The following RARB variants were observed in gnomAD, a reference collection of about 807,000 sequenced individuals.
RARB encodes the protein retinoic acid receptor beta.
In RARB, 17 loss-of-function variants were observed where a neutral mutation model predicts 51.9. The ratio of observed to expected loss-of-function variants is 0.33; its 90% CI spans 0.22 to 0.49. RARB has a LOEUF of 0.49. Ranked by LOEUF, RARB falls within the 20% of genes least tolerant of loss-of-function variation. The pLI, the probability that RARB is intolerant of heterozygous loss-of-function variation, is 0.99. For missense variants in RARB, 369 were observed against 550.8 expected (o/e 0.67, Z 3.30); for synonymous variants, 215 against 195.4 (o/e 1.10, Z -0.84).
intron 2 of RARB, among the ~76,000 whole-genome samples, chr3:25,469,063 C>T (rs962891182): frequency 6.6e-6 from 1 of 152,214 alleles, no homozygotes; most frequent in African/African-American, 2.4e-5. Context: ...CACTAGCCCC[C>T]TCAGTCCCTC....
At chr3:25,319,861 A>T (rs1477026597) in intron 5 of RARB, among the ~76,000 whole-genome samples, 1 of 152,100 alleles carries the variant, frequency 6.6e-6, no homozygotes, top group Non-Finnish European at 1.5e-5. Context: ...ACTTCTTTTT[A>T]TTCTTTTGAA....
rs150202843 is a variant in RARB, at chr3:25,222,222, G to C, written c.178+47647G>C. 2.7e-3 allele frequency among the ~76,000 whole-genome samples: 404 copies of C among 152,210 alleles called. 2 individuals carry two copies. Among genetic ancestry groups the C allele is most frequent in the African/African-American group, 9.4e-3 (389 of 41,534 alleles). ...AGATATATGATGACTGCAACCTAAG[G>C]CCCAGGAGGCCTATATAATTGAGCC... On this transcript the variant is annotated intron_variant, in intron 5 of 11. Coordinates refer to the RARB transcript ENST00000383772.
chr3:25,013,446 A>G (rs922905633), intron 2 of RARB, among the ~76,000 whole-genome samples: 7 of 151,996 alleles, frequency 4.6e-5, no homozygotes, highest in African/African-American at 1.7e-4. Context: ...TTTCCCAACT[A>G]TTCTTAACCA....
intron 2 of RARB, among the ~76,000 whole-genome samples, chr3:25,002,396 A>C (rs1476927715): frequency 6.6e-6 from 1 of 152,144 alleles, no homozygotes; most frequent in Non-Finnish European, 1.5e-5. Context: ...GGCACATGGG[A>C]AACTCTCATG....
At chr3:25,344,448 C>T (rs1705325706) in intron 5 of RARB, among the ~76,000 whole-genome samples, 1 of 152,124 alleles carries the variant, frequency 6.6e-6, no homozygotes, top group Non-Finnish European at 1.5e-5. Flanking sequence ...ATGCATCTGC[C>T]ACACTCTACT....
At chr3:24,998,312 G>A (rs1412917354) in intron 2 of RARB, among the ~76,000 whole-genome samples, 1 of 146,820 alleles carries the variant, frequency 6.8e-6, no homozygotes, top group Non-Finnish European at 1.5e-5. Flanking sequence ...TCTGCACCCT[G>A]GGGCCCTAGG....
rs112583301 is a variant in RARB at position 25,255,662 on chromosome 3, TTTGA to T, written c.178+81091_178+81094del. On this transcript the variant is annotated intron_variant, in intron 5 of 11. Transcript: ENST00000383772. ...TGAAAAACAAACTGTAATTTTAGTC[TTTGA>T]TTGTAGAGAGACTTTGCGTTATATT... 2.8e-3 allele frequency among the ~76,000 whole-genome samples: 424 copies of T among 152,252 alleles called. 2 individuals are homozygous for T. The highest frequency in any genetic ancestry group is 9.8e-3 in the African/African-American group (409 of 41,562).
intron 2 of RARB, among the ~76,000 whole-genome samples, chr3:25,491,366 T>C (rs890456665): frequency 1.3e-5 from 2 of 152,156 alleles, no homozygotes; most frequent in Admixed American, 6.5e-5. Flanking sequence ...TTCTAGCTTT[T>C]ACTCAGGTCG....
intron 3 of RARB, among the ~76,000 whole-genome samples, chr3:25,105,161 C>T (rs947287569): frequency 1.3e-5 from 2 of 152,004 alleles, no homozygotes; most frequent in Admixed American, 6.6e-5. Context: ...TAGTGTCAGA[C>T]AGTTTTTACT....
intron 5 of RARB, among the ~76,000 whole-genome samples, chr3:25,279,153 T>C (rs992869961): frequency 7.9e-5 from 12 of 152,310 alleles, no homozygotes; most frequent in African/African-American, 2.6e-4. Context: ...TAATGGAATA[T>C]TCACAACATC....
chr3:25,143,382 C>A (rs1244033693), intron 4 of RARB, among the ~76,000 whole-genome samples: 1 of 152,146 alleles, frequency 6.6e-6, no homozygotes, highest in Non-Finnish European at 1.5e-5. Flanking sequence ...TCCCAAAAAA[C>A]CCCTCTAGTA....
chr3:25,247,015 C>T (rs1702578874), intron 5 of RARB, among the ~76,000 whole-genome samples: 1 of 152,230 alleles, frequency 6.6e-6, no homozygotes, highest in African/African-American at 2.4e-5. Context: ...CAGAGATGCC[C>T]TGCCCAGAGA....
chr3:25,375,793 A>C (rs767205195), intron 5 of RARB, among the ~76,000 whole-genome samples: 1 of 152,138 alleles, frequency 6.6e-6, no homozygotes, highest in African/African-American at 2.4e-5. Context: ...TTGAGATGCT[A>C]TTTGTGGGCA....
intron 5 of RARB, among the ~76,000 whole-genome samples, chr3:25,329,144 A>G (rs1284723702): frequency 2.0e-5 from 3 of 152,174 alleles, no homozygotes; most frequent in Admixed American, 1.3e-4. Context: ...GCAGACTTAA[A>G]CGTCCCTGTC....
At chr3:25,248,014 T>C (rs1256527062) in intron 5 of RARB, among the ~76,000 whole-genome samples, 2 of 152,232 alleles carry the variant, frequency 1.3e-5, no homozygotes, top group Non-Finnish European at 2.9e-5. Context: ...GGAATTCCTC[T>C]TCCTTTAAAT....
chr3:25,120,329 C>T (rs1438344034), intron 3 of RARB, among the ~76,000 whole-genome samples: 1 of 152,080 alleles, frequency 6.6e-6, no homozygotes, highest in African/African-American at 2.4e-5. Flanking sequence ...GCAGCTGTTA[C>T]TCAGATCCAG....
chr3:25,236,977 C>G (rs1284337162), intron 5 of RARB, among the ~76,000 whole-genome samples: 1 of 114,462 alleles, frequency 8.7e-6, no homozygotes. Flanking sequence ...TTACCTAACT[C>G]TAAACACAAG....
chr3:25,130,336 C>T (rs917922699), intron 3 of RARB, among the ~76,000 whole-genome samples: 5 of 152,028 alleles, frequency 3.3e-5, no homozygotes, highest in Admixed American at 1.3e-4. Context: ...ATACAGCGTT[C>T]CCTGAATTCT....
chr3:24,938,959 A>T (rs9843826), intron 2 of RARB, among the ~76,000 whole-genome samples: 79,580 of 151,622 alleles, frequency 0.52, 21,619 homozygotes, highest in East Asian at 0.7. Context: ...TGTTCATTTG[A>T]CTGTTAATGA....
Sources: gnomAD v4.1 joint callset for allele counts (sites outside exome capture counted in the v4.1 genomes callset) on GRCh38, gnomAD v4.1.1 for gene constraint, MANE v1.5 for transcripts, NCBI Gene and HGNC (gene_info 2026-07-23, HGNC 2026-07-21) for gene names.